The following CACNG3 variants were observed in gnomAD, a reference collection of about 807,000 sequenced individuals.
CACNG3 encodes calcium voltage-gated channel auxiliary subunit gamma 3.
Under a neutral mutation model 28.5 loss-of-function variants are expected in CACNG3, and 3 were observed. That is an observed-to-expected ratio of 0.11 (90% confidence interval 0.05 to 0.27). The LOEUF (loss-of-function observed/expected upper bound fraction) is 0.27. Ranked by LOEUF, CACNG3 falls within the 10% of genes least tolerant of loss-of-function variation. CACNG3 has a pLI of 1.00. For synonymous variants in CACNG3, 174 were observed against 162.2 expected, an observed-to-expected ratio of 1.07 and a Z score of -0.55; for missense variants, 236 against 414.4, an observed-to-expected ratio of 0.57 and a Z score of 3.74.
chr16:24,275,999 T>A (rs1304605442), intron 1 of CACNG3, among the ~76,000 whole-genome samples: 1 of 152,164 alleles, frequency 6.6e-6, no homozygotes, highest in Non-Finnish European at 1.5e-5. Flanking sequence ...ACTTGTCGAG[T>A]TTTGGTGTAG....
intron 1 of CACNG3, among the ~76,000 whole-genome samples, chr16:24,306,010 A>G (rs935980596): frequency 2.6e-5 from 4 of 152,032 alleles, no homozygotes; most frequent in Non-Finnish European, 1.5e-5. Context: ...TGATGGTCTC[A>G]GAGCTGACCT....
At chr16:24,328,087 A>G (rs1899582255) in intron 1 of CACNG3, among the ~76,000 whole-genome samples, 1 of 152,168 alleles carries the variant, frequency 6.6e-6, no homozygotes, top group Non-Finnish European at 1.5e-5. Context: ...TGCTCTTGGG[A>G]TTTACAATAG....
At chr16:24,260,310 AG>A (rs1898521138) in intron 1 of CACNG3, among the ~76,000 whole-genome samples, 1 of 152,214 alleles carries the variant, frequency 6.6e-6, no homozygotes, top group African/African-American at 2.4e-5. Flanking sequence ...AAAAATACCT[AG>A]GAAAAAATAA....
At chr16:24,335,421 A>AATACATAC (rs112226778) in intron 1 of CACNG3, among the ~76,000 whole-genome samples, 4 of 152,068 alleles carry the variant, frequency 2.6e-5, no homozygotes, top group Admixed American at 6.6e-5. Flanking sequence ...CTCCATCTCA[A>AATACATAC]ATACATACAT....
At chr16:24,304,378 G>A (rs1899156323) in intron 1 of CACNG3, among the ~76,000 whole-genome samples, 1 of 152,046 alleles carries the variant, frequency 6.6e-6, no homozygotes, top group African/African-American at 2.4e-5. Context: ...AAATTAAAGT[G>A]CATGTACAGA....
intron 1 of CACNG3, among the ~76,000 whole-genome samples, chr16:24,265,721 A>T (rs1223714282): frequency 6.6e-6 from 1 of 152,250 alleles, no homozygotes; most frequent in Non-Finnish European, 1.5e-5. Flanking sequence ...CAAATAAAAA[A>T]GATATAAAAT....
chr16:24,303,431 C>T (rs1023163483), intron 1 of CACNG3, among the ~76,000 whole-genome samples: 18 of 152,022 alleles, frequency 1.2e-4, no homozygotes, highest in African/African-American at 4.1e-4. Flanking sequence ...CTCACGTGAT[C>T]CTCCTGCCTC....
chr16:24,282,502 G>T (rs1179506720), intron 1 of CACNG3, among the ~76,000 whole-genome samples: 1 of 151,334 alleles, frequency 6.6e-6, no homozygotes, highest in Non-Finnish European at 1.5e-5. Flanking sequence ...ATCTCGATCT[G>T]TTGACCTCGT....
At chr16:24,298,781 A>G (rs1396243354) in intron 1 of CACNG3, among the ~76,000 whole-genome samples, 1 of 152,152 alleles carries the variant, frequency 6.6e-6, no homozygotes, top group Non-Finnish European at 1.5e-5. Context: ...GGGATTTCAA[A>G]CTTTCCTTGT....
At chr16:24,273,887 A>G (rs2238500) in intron 1 of CACNG3, among the ~76,000 whole-genome samples, 64,037 of 151,958 alleles carry the variant, frequency 0.42, 13,813 homozygotes, top group East Asian at 0.57. Context: ...GGCTTTTTAA[A>G]CACAAGCCCT....
At chr16:24,290,356 A>AT (rs1171376354) in intron 1 of CACNG3, among the ~76,000 whole-genome samples, 2 of 152,192 alleles carry the variant, frequency 1.3e-5, no homozygotes, top group East Asian at 3.8e-4. Context: ...TACATTCCTG[A>AT]TAAGGGTAGT....
intron 1 of CACNG3, among the ~76,000 whole-genome samples, chr16:24,262,144 G>A (rs956861377): frequency 3.9e-5 from 6 of 152,226 alleles, no homozygotes; most frequent in South Asian, 2.1e-4. Context: ...CATCACTTCC[G>A]CACCTGCAGT....
Position 24,260,304 on chromosome 16 carries a change from A to G in CACNG3, c.211+3339A>G, listed in dbSNP as rs181893913. ...TAATCACTTTTTCAACCCTTAAAAA[A>G]TACCTAGGAAAAAATAAGCTAACCT... is the stretch of plus-strand genomic sequence containing the variant. On this transcript the variant is annotated intron_variant, in intron 1 of 3. Transcript: ENST00000005284. Among the ~76,000 whole-genome samples, 836 of 152,324 alleles carry G rather than the reference A, an allele frequency of 5.5e-3. 9 individuals are homozygous for G. Among genetic ancestry groups the G allele is most frequent in the Non-Finnish European group, 8.2e-3 (560 of 68,020 alleles).
At chr16:24,257,498 A>T (rs565948539) in intron 1 of CACNG3, among the ~76,000 whole-genome samples, 4 of 149,680 alleles carry the variant, frequency 2.7e-5, no homozygotes, top group African/African-American at 4.9e-5. Flanking sequence ...GTTTCTCCTG[A>T]GTTTGCTCTA....
At chr16:24,292,423 A>T (rs750049534) in intron 1 of CACNG3, among the ~76,000 whole-genome samples, 2 of 152,168 alleles carry the variant, frequency 1.3e-5, no homozygotes, top group Admixed American at 6.5e-5. Flanking sequence ...AGTGCTGGAC[A>T]CTGATTCCTT....
At chr16:24,311,313 C>T (rs1899259494) in intron 1 of CACNG3, among the ~76,000 whole-genome samples, 1 of 152,070 alleles carries the variant, frequency 6.6e-6, no homozygotes, top group African/African-American at 2.4e-5. Context: ...GAGTTTAAGA[C>T]CACCCTGGCC....
rs149537175 is a variant in CACNG3 at position 24,282,609 on chromosome 16, A to T, written c.211+25644A>T. Among the ~76,000 whole-genome samples, 135 of 152,206 alleles carry T rather than the reference A, an allele frequency of 8.9e-4. 1 individual carries two copies. Among genetic ancestry groups the T allele is most frequent in the East Asian group, 7.9e-3 (41 of 5,176 alleles). On this transcript the variant is annotated intron_variant, in intron 1 of 3. Coordinates refer to ENST00000005284, the MANE Select transcript of CACNG3 (RefSeq NM_006539.4). The stretch of plus-strand genomic sequence containing the variant: ...TTCCTTCTGTGATTGTTATAGGTGG[A>T]CATGAGAGTCCCAAGAACGTGGACA...
intron 1 of CACNG3, among the ~76,000 whole-genome samples, chr16:24,304,349 AT>A (rs987386559): frequency 1.3e-5 from 2 of 151,830 alleles, no homozygotes; most frequent in Non-Finnish European, 2.9e-5. Context: ...AGAACATTTC[AT>A]TTTTTTTAGC....
intron 3 of CACNG3, among the ~76,000 whole-genome samples, chr16:24,355,730 C>T (rs1900023061): frequency 6.6e-6 from 1 of 152,184 alleles, no homozygotes; most frequent in East Asian, 1.9e-4. Flanking sequence ...TTATACCCTC[C>T]TCCACTCTTC....
Sources: gnomAD v4.1 joint callset for allele counts (sites outside exome capture counted in the v4.1 genomes callset) on GRCh38, gnomAD v4.1.1 for gene constraint, MANE v1.5 for transcripts, NCBI Gene and HGNC (gene_info 2026-07-23, HGNC 2026-07-21) for gene names.